RIT2: variants seen among roughly 807,000 people sequenced by gnomAD.
RIT2 encodes the protein Ras like without CAAX 2.
RIT2 carries 24 observed loss-of-function variants against 23.7 expected under a neutral mutation model. The ratio of observed to expected loss-of-function variants is 1.01; its 90% CI spans 0.73 to 1.43. RIT2 has a LOEUF of 1.43. RIT2 is among the 40% of genes most tolerant of loss of function. The pLI, the probability that RIT2 is intolerant of heterozygous loss-of-function variation, is 0.00. For synonymous variants in RIT2, 107 were observed against 91.1 expected, an observed-to-expected ratio of 1.17 and a Z score of -0.99; for missense variants, 236 against 266.9, an observed-to-expected ratio of 0.88 and a Z score of 0.81.
At position 42,944,934 on chromosome 18, in the gene RIT2, C is replaced by G. The variant is rs115937972; in HGVS notation, c.235-21171G>C. Among the ~76,000 whole-genome samples the G allele has an allele frequency of 3.8e-3, 571 of 152,158 alleles. 4 individuals are homozygous for G. Among genetic ancestry groups the G allele is most frequent in the African/African-American group, 0.013 (542 of 41,540 alleles). On this transcript the variant is annotated intron_variant, in intron 3 of 4. Coordinates refer to ENST00000326695, the MANE Select transcript of RIT2 (RefSeq NM_002930.4). ...AGATTTTGTCACTTCTGGAAAGTCTCTCTGCATTGAACCATCTAGGAGAGA... is the reference window on the plus strand; with the variant it reads ...AGATTTTGTCACTTCTGGAAAGTCTGTCTGCATTGAACCATCTAGGAGAGA...
chr18:42,869,141 T>C (rs2144060549), intron 4 of RIT2, among the ~76,000 whole-genome samples: 1 of 152,384 alleles, frequency 6.6e-6, no homozygotes, highest in Non-Finnish European at 1.5e-5. Context: ...CACCAGTGAC[T>C]GGTTTCATGG....
intron 4 of RIT2, among the ~76,000 whole-genome samples, chr18:42,833,034 A>G (rs1325731650): frequency 7.2e-6 from 1 of 138,084 alleles, no homozygotes; most frequent in Non-Finnish European, 1.5e-5. Flanking sequence ...AGCCTGGGTG[A>G]CTGAGTGAGA....
chr18:42,966,306 G>A (rs1471274653), intron 3 of RIT2, among the ~76,000 whole-genome samples: 1 of 152,104 alleles, frequency 6.6e-6, no homozygotes, highest in Non-Finnish European at 1.5e-5. Flanking sequence ...AATTAATGGT[G>A]ACCAGTAAGC....
intron 4 of RIT2, among the ~76,000 whole-genome samples, chr18:42,785,428 T>C (rs1913900354): frequency 6.7e-6 from 1 of 150,174 alleles, no homozygotes; most frequent in African/African-American, 2.5e-5. Context: ...ATTAAATCCA[T>C]GTTAAGTTTC....
At chr18:42,749,935 G>A (rs956133578) in intron 4 of RIT2, among the ~76,000 whole-genome samples, 6 of 151,734 alleles carry the variant, frequency 4.0e-5, no homozygotes, top group Admixed American at 2.6e-4. Context: ...TAGCAAAAAC[G>A]AGCAAACAAA....
At chr18:42,910,232 C>T (rs1385860957) in intron 4 of RIT2, among the ~76,000 whole-genome samples, 1 of 152,028 alleles carries the variant, frequency 6.6e-6, no homozygotes, top group Non-Finnish European at 1.5e-5. Flanking sequence ...AATAAAAAGG[C>T]AGACATAGGC....
intron 2 of RIT2, among the ~76,000 whole-genome samples, chr18:42,988,176 T>C (rs1910757552): frequency 6.6e-6 from 1 of 152,094 alleles, no homozygotes; most frequent in Non-Finnish European, 1.5e-5. Flanking sequence ...AGAAACATAA[T>C]GTTGAGTGAG....
At chr18:43,089,621 C>T (rs1913372978) in intron 1 of RIT2, among the ~76,000 whole-genome samples, 1 of 151,902 alleles carries the variant, frequency 6.6e-6, no homozygotes, top group Non-Finnish European at 1.5e-5. Context: ...AGGTGTCATG[C>T]TACCCAGTTT....
intron 4 of RIT2, among the ~76,000 whole-genome samples, chr18:42,864,952 G>A (rs376409125): frequency 6.6e-6 from 1 of 152,090 alleles, no homozygotes; most frequent in East Asian, 1.9e-4. Flanking sequence ...CTTACTAAAT[G>A]GACATTCAGC....
At chr18:42,772,508 GGTT>G (rs1913575669) in intron 4 of RIT2, among the ~76,000 whole-genome samples, 1 of 151,756 alleles carries the variant, frequency 6.6e-6, no homozygotes, top group Admixed American at 6.6e-5. Context: ...TAGGAATCCT[GGTT>G]TTTACATTGT....
intron 4 of RIT2, among the ~76,000 whole-genome samples, chr18:42,782,397 G>T (rs958805637): frequency 6.6e-6 from 1 of 151,912 alleles, no homozygotes; most frequent in East Asian, 1.9e-4. Context: ...AAGAAATAGA[G>T]ATATTTATAT....
chr18:42,760,624 C>G (rs1913278070), intron 4 of RIT2, among the ~76,000 whole-genome samples: 1 of 152,166 alleles, frequency 6.6e-6, no homozygotes, highest in Non-Finnish European at 1.5e-5. Flanking sequence ...GGCCTGGGTT[C>G]TAGTCCCAGT....
intron 4 of RIT2, among the ~76,000 whole-genome samples, chr18:42,840,522 G>A (rs1323949047): frequency 6.6e-6 from 1 of 151,778 alleles, no homozygotes; most frequent in African/African-American, 2.4e-5. Flanking sequence ...TTTTTTCAAA[G>A]ACGGAGTTTT....
At position 42,957,162 on chromosome 18, in the gene RIT2, T is replaced by C. The variant is rs1438031396; in HGVS notation, c.234+16912A>G. On this transcript the variant is annotated intron_variant, in intron 3 of 4. Coordinates refer to ENST00000326695, the MANE Select transcript of RIT2 (RefSeq NM_002930.4). The stretch of plus-strand genomic sequence containing the variant: ...ACAAATGTATATTCATTTTCAAATC[T>C]TTGATGGTGAGCCAACACACCCCCT... 2.0e-5 allele frequency among the ~76,000 whole-genome samples: 3 copies of C among 152,188 alleles called. No homozygotes were observed. The East Asian group carries it at 5.8e-4, about 29-fold the overall frequency.
chr18:43,051,780 T>C (rs1468932292), intron 1 of RIT2, among the ~76,000 whole-genome samples: 4 of 152,170 alleles, frequency 2.6e-5, no homozygotes, highest in Non-Finnish European at 4.4e-5. Context: ...CCTTGTTGTC[T>C]AACTTACAAA....
chr18:43,075,654 C>T (rs1209805651), intron 1 of RIT2, among the ~76,000 whole-genome samples: 3 of 152,128 alleles, frequency 2.0e-5, no homozygotes, highest in Non-Finnish European at 4.4e-5. Context: ...TCTAAATATA[C>T]ATGCATATTA....
At chr18:43,104,494 C>G (rs1250005650) in intron 1 of RIT2, among the ~76,000 whole-genome samples, 1 of 151,878 alleles carries the variant, frequency 6.6e-6, no homozygotes, top group South Asian at 2.1e-4. Context: ...ATTATTTGAT[C>G]ATTATACATT....
intron 4 of RIT2, among the ~76,000 whole-genome samples, chr18:42,819,113 A>C (rs1243785068): frequency 6.6e-6 from 1 of 152,046 alleles, no homozygotes; most frequent in Non-Finnish European, 1.5e-5. Flanking sequence ...GCTTGTGAGC[A>C]AAAGCGAGAT....
At chr18:42,814,109 T>C (rs1312968931) in intron 4 of RIT2, among the ~76,000 whole-genome samples, 2 of 152,130 alleles carry the variant, frequency 1.3e-5, no homozygotes, top group Non-Finnish European at 2.9e-5. Context: ...TGCCTGGCCT[T>C]ACAGGGGTCC....
Sources: allele counts gnomAD v4.1 joint callset (sites outside exome capture counted in the v4.1 genomes callset), GRCh38; gene constraint gnomAD v4.1.1; transcripts MANE v1.5; gene names NCBI Gene and HGNC (gene_info 2026-07-23, HGNC 2026-07-21).